Variants in DGKB observed in about 807,000 individuals in gnomAD.
The protein encoded by DGKB is 90 kDa diacylglycerol kinase.
DGKB carries 67 observed loss-of-function variants against 114.3 expected under a neutral mutation model. The observed-to-expected ratio is 0.59, with a 90% confidence interval of 0.48 to 0.72. DGKB has a LOEUF of 0.72. Ranked by LOEUF, DGKB falls within the 30% of genes least tolerant of loss-of-function variation. The pLI is 0.00. For missense variants in DGKB, 907 were observed against 975.2 expected, an observed-to-expected ratio of 0.93 and a Z score of 0.93; for synonymous variants, 398 against 323.1, an observed-to-expected ratio of 1.23 and a Z score of -2.49.
intron 23 of DGKB, among the ~76,000 whole-genome samples, chr7:14,285,867 G>A (rs1800790230): frequency 6.6e-6 from 1 of 151,928 alleles, no homozygotes; most frequent in Non-Finnish European, 1.5e-5. Flanking sequence ...TTTGGAGTAG[G>A]TTCAAATACT....
chr7:14,607,929 G>T (rs539412079), intron 16 of DGKB, among the ~76,000 whole-genome samples: 1 of 151,900 alleles, frequency 6.6e-6, no homozygotes, highest in Non-Finnish European at 1.5e-5. Flanking sequence ...ATCTCTGATA[G>T]ATCTGAAAAT....
At chr7:14,490,627 T>C (rs1784467154) in intron 20 of DGKB, among the ~76,000 whole-genome samples, 1 of 152,192 alleles carries the variant, frequency 6.6e-6, no homozygotes, top group African/African-American at 2.4e-5. Context: ...TTAAAACAAC[T>C]TGAAGCTGTC....
intron 25 of DGKB, among the ~76,000 whole-genome samples, chr7:14,161,315 A>G (rs1783849939): frequency 6.6e-6 from 1 of 152,204 alleles, no homozygotes; most frequent in Admixed American, 6.5e-5. Context: ...ATTACTGGGT[A>G]TATACCCAAA....
chr7:14,971,462 T>C (rs967411179), intron 1 of DGKB, among the ~76,000 whole-genome samples: 3 of 152,120 alleles, frequency 2.0e-5, no homozygotes, highest in Non-Finnish European at 4.4e-5. Flanking sequence ...TGTGTGAACA[T>C]TAAATACAGT....
chr7:14,365,650 A>G (rs1192067627), intron 21 of DGKB, among the ~76,000 whole-genome samples: 1 of 152,030 alleles, frequency 6.6e-6, no homozygotes, highest in Non-Finnish European at 1.5e-5. Flanking sequence ...ATCTCTATTA[A>G]CTCTTGAACC....
chr7:14,375,498 A>T (rs986111963), intron 21 of DGKB, among the ~76,000 whole-genome samples: 2 of 152,236 alleles, frequency 1.3e-5, no homozygotes, highest in African/African-American at 4.8e-5. Flanking sequence ...AGAATAAAGT[A>T]TTCATTTCAG....
At chr7:14,828,410 T>C (rs1272608439) in intron 2 of DGKB, among the ~76,000 whole-genome samples, 9 of 152,060 alleles carry the variant, frequency 5.9e-5, no homozygotes, top group Admixed American at 5.9e-4. Flanking sequence ...ACTCATACGA[T>C]GTGTCTTATT....
Position 14,698,169 on chromosome 7 carries a change from C to A in DGKB, c.517G>T (p.Glu173Ter). 6.6e-7 allele frequency: 1 copy of A among 1,513,214 alleles called. No homozygotes were observed. Among genetic ancestry groups the A allele is most frequent in the Non-Finnish European group, 8.9e-7 (1 of 1,129,544 alleles). 93.7% of individuals were successfully genotyped at this position (1,513,214 alleles called of 1,614,324 possible). ...ATCTGACTGATGATATTTTCTAGCT[C>A]CTGGAAGAGAAAGAGAGATAAAAAA... ...TDGNGFLDSS[E>*]LENIISQMMH... The change falls in exon 8 of 26, where the codon GAG becomes TAG. Residue 173 changes from glutamate (E) to a stop codon, truncating the protein, a stop_gained and splice_region_variant. Transcript: ENST00000402815. LOFTEE classifies it high-confidence loss of function.
chr7:14,411,224 C>T (rs146024296), intron 21 of DGKB, among the ~76,000 whole-genome samples: 41 of 152,254 alleles, frequency 2.7e-4, no homozygotes, highest in Non-Finnish European at 4.9e-4. Context: ...GTTCTGAGTG[C>T]GTCTAAGTTA....
At chr7:14,776,636 A>G (rs1315411170) in intron 2 of DGKB, among the ~76,000 whole-genome samples, 1 of 152,238 alleles carries the variant, frequency 6.6e-6, no homozygotes, top group East Asian at 1.9e-4. Flanking sequence ...GAAGTCAAGA[A>G]TTGAGATTTG....
chr7:14,896,338 T>G (rs1203528221), intron 1 of DGKB, among the ~76,000 whole-genome samples: 1 of 151,766 alleles, frequency 6.6e-6, no homozygotes. Flanking sequence ...GTAGTTTATG[T>G]GTGTTGTTTA....
intron 23 of DGKB, among the ~76,000 whole-genome samples, chr7:14,187,698 C>A (rs1034374132): frequency 6.6e-6 from 1 of 152,066 alleles, no homozygotes; most frequent in African/African-American, 2.4e-5. Context: ...GACTTGTTTA[C>A]AGGAAAACAT....
At chr7:14,349,885 T>C (rs930139189) in intron 21 of DGKB, among the ~76,000 whole-genome samples, 2 of 152,152 alleles carry the variant, frequency 1.3e-5, no homozygotes, top group African/African-American at 4.8e-5. Flanking sequence ...ATATGGTAAC[T>C]CGACATTTAA....
chr7:14,926,902 G>C (rs762215786), intron 1 of DGKB, among the ~76,000 whole-genome samples: 1 of 151,904 alleles, frequency 6.6e-6, no homozygotes, highest in Non-Finnish European at 1.5e-5. Flanking sequence ...CCCTACAGAA[G>C]ATTCGTATTT....
chr7:14,704,468 A>G (rs909606008), intron 6 of DGKB, among the ~76,000 whole-genome samples: 9 of 150,834 alleles, frequency 6.0e-5, no homozygotes, highest in Non-Finnish European at 1.2e-4. Flanking sequence ...AAAAAAAGAA[A>G]AAAGAAAAAA....
At chr7:14,167,830 A>G (rs2128232216) in intron 25 of DGKB, among the ~76,000 whole-genome samples, 1 of 152,330 alleles carries the variant, frequency 6.6e-6, no homozygotes, top group East Asian at 1.9e-4. Flanking sequence ...AGTAACAGCA[A>G]CAACAATAAA....
In DGKB at chr7:14,621,468, T is replaced by C. The variant is rs1371778090; in HGVS notation, c.1194A>G (p.Glu398=). Residue 398 remains glutamate, a synonymous_variant, in exon 15 of 26, where the codon GAA becomes GAG. Transcript: ENST00000402815. ...TGTTTGGCTGCTGGGAACCACTCTT[T>C]TCCTTTTTCACTGTTGATTGTCTTT... ...PEERQSTVKK[E]KSGSQQPNKV... 1.2e-6 allele frequency: 2 copies of C among 1,608,512 alleles called. No individual in the cohort carries two copies. The highest frequency in any genetic ancestry group is 4.5e-5 in the East Asian group (2 of 44,684).
chr7:14,944,773 T>C (rs1309350515), intron 1 of DGKB, among the ~76,000 whole-genome samples: 1 of 151,012 alleles, frequency 6.6e-6, no homozygotes, highest in Non-Finnish European at 1.5e-5. Context: ...CCACAATCAA[T>C]AGATATGCTA....
At chr7:14,954,352 TTAAG>T (rs1786379579) in intron 1 of DGKB, among the ~76,000 whole-genome samples, 1 of 152,028 alleles carries the variant, frequency 6.6e-6, no homozygotes, top group African/African-American at 2.4e-5. Context: ...GAGAAATACA[TTAAG>T]TGTCAGAGAG....
Sources: allele counts gnomAD v4.1 joint callset (sites outside exome capture counted in the v4.1 genomes callset), GRCh38; gene constraint gnomAD v4.1.1; transcripts MANE v1.5; gene names NCBI Gene and HGNC (gene_info 2026-07-23, HGNC 2026-07-21).